The following PAX5 variants were observed in gnomAD, a reference collection of about 807,000 sequenced individuals.
The protein encoded by PAX5 is paired box 5.
Under a neutral mutation model 43.7 loss-of-function variants are expected in PAX5, and 9 were observed. The ratio of observed to expected loss-of-function variants is 0.21; its 90% CI spans 0.12 to 0.36. The LOEUF is 0.36. Among genes scored for constraint, PAX5 ranks in the 10% least tolerant of loss-of-function variants. The probability of loss-of-function intolerance (pLI) is 1.00; values close to 1 mark genes in which losing one functional copy is unlikely to be tolerated. For synonymous variants in PAX5, 228 were observed against 214.3 expected, an observed-to-expected ratio of 1.06 and a Z score of -0.56; for missense variants, 383 against 532.7, an observed-to-expected ratio of 0.72 and a Z score of 2.77.
At chr9:36,876,544 CTGCAACCATGTTAAGATATT>C (rs1011037703) in intron 8 of PAX5, among the ~76,000 whole-genome samples, 4 of 152,206 alleles carry the variant, frequency 2.6e-5, no homozygotes, top group African/African-American at 9.7e-5. Context: ...ATGTCGATAT[CTGCAACCATGTTAAGATATT>C]TGCAACCATG....
At chr9:36,915,677 T>C (rs976154326) in intron 7 of PAX5, among the ~76,000 whole-genome samples, 2 of 152,234 alleles carry the variant, frequency 1.3e-5, no homozygotes, top group Non-Finnish European at 2.9e-5. Context: ...TTCTTCCATA[T>C]ACATACAAAA....
chr9:36,952,834 A>G (rs1833125401), intron 6 of PAX5, among the ~76,000 whole-genome samples: 1 of 152,172 alleles, frequency 6.6e-6, no homozygotes, highest in Non-Finnish European at 1.5e-5. Context: ...CACTCCATAC[A>G]TTGTTATTAT....
Position 36,923,330 on chromosome 9 carries a change from T to TC in PAX5, c.910+24dup, listed in dbSNP as rs747636341. 38 of 1,601,480 alleles carry TC rather than the reference T, an allele frequency of 2.4e-5. No individual in the cohort carries two copies. In the African/African-American group the frequency reaches 4.6e-4, roughly 19 times the overall value. Reference sequence around the variant, plus strand: ...TATCTCTCTCTCTCTCCCTCACTCATCCCCCATGCCCCAGGTGCCCTCACC... The same window carrying TC: ...TATCTCTCTCTCTCTCCCTCACTCATCCCCCCATGCCCCAGGTGCCCTCACC... On this transcript the variant is annotated intron_variant, in intron 7 of 9. Coordinates refer to ENST00000358127, the MANE Select transcript of PAX5 (RefSeq NM_016734.3).
intron 7 of PAX5, among the ~76,000 whole-genome samples, chr9:36,889,211 C>T (rs1827163724): frequency 6.6e-6 from 1 of 152,170 alleles, no homozygotes. Context: ...CCTGGCCAGG[C>T]ACTTCCATGT....
At chr9:36,944,596 C>A (rs767602592) in intron 6 of PAX5, among the ~76,000 whole-genome samples, 3 of 152,266 alleles carry the variant, frequency 2.0e-5, no homozygotes, top group South Asian at 2.1e-4. Context: ...AGATGCAGAC[C>A]GCCCATTACT....
chr9:36,900,526 G>A (rs1828284849), intron 7 of PAX5, among the ~76,000 whole-genome samples: 1 of 152,184 alleles, frequency 6.6e-6, no homozygotes, highest in Non-Finnish European at 1.5e-5. Flanking sequence ...TAACAAGCCA[G>A]AGAGAATTCT....
chr9:36,933,382 G>A (rs1356346134), intron 6 of PAX5, among the ~76,000 whole-genome samples: 1 of 152,116 alleles, frequency 6.6e-6, no homozygotes. Flanking sequence ...CATCTTCAGG[G>A]ATGCCAAAGT....
intron 7 of PAX5, among the ~76,000 whole-genome samples, chr9:36,894,685 C>G (rs1827696313): frequency 6.6e-6 from 1 of 152,222 alleles, no homozygotes; most frequent in Non-Finnish European, 1.5e-5. Flanking sequence ...ACAGGTAAGG[C>G]CCCTAGCACA....
chr9:36,913,276 G>C (rs182280298), intron 7 of PAX5, among the ~76,000 whole-genome samples: 3 of 152,214 alleles, frequency 2.0e-5, no homozygotes, highest in East Asian at 1.9e-4. Context: ...TCCCAAACTT[G>C]CTGGCCCACA....
At chr9:36,985,691 C>T (rs937783092) in intron 5 of PAX5, among the ~76,000 whole-genome samples, 1 of 152,166 alleles carries the variant, frequency 6.6e-6, no homozygotes, top group African/African-American at 2.4e-5. Context: ...GGGATACACA[C>T]AGGGGACAGA....
intron 7 of PAX5, among the ~76,000 whole-genome samples, chr9:36,921,473 C>T (rs998818965): frequency 1.3e-5 from 2 of 152,194 alleles, no homozygotes; most frequent in African/African-American, 4.8e-5. Flanking sequence ...TGGCCAGCAG[C>T]ACGGGCCCTG....
intron 6 of PAX5, among the ~76,000 whole-genome samples, chr9:36,928,157 C>T (rs1433611649): frequency 6.6e-6 from 1 of 152,202 alleles, no homozygotes; most frequent in African/African-American, 2.4e-5. Flanking sequence ...TTCCCTAAGT[C>T]CTCATCACCG....
chr9:36,991,327 C>G lies in PAX5; in HGVS notation c.604+11321G>C, dbSNP rs1214186801. ...AGAATCTAACTCCAGCTCTAGTGCT[C>G]TCTGGTACACCACAGAGTGTCAGAG... On this transcript the variant is annotated intron_variant, in intron 5 of 9. Coordinates refer to ENST00000358127, the MANE Select transcript of PAX5 (RefSeq NM_016734.3). Among the ~76,000 whole-genome samples, 4 of 152,126 alleles carry G rather than the reference C, an allele frequency of 2.6e-5. No individual in the cohort carries two copies. In the East Asian group the frequency reaches 7.7e-4, roughly 29 times the overall value.
At position 36,878,616 on chromosome 9, in the gene PAX5, A is replaced by G. The variant is rs1324747111; in HGVS notation, c.1012+3388T>C. ...CAGTCAGGGTTGGGGAGGCTGGGAG[A>G]GGAGGCCAGAAAGGCAAGTTGAGGC... On this transcript the variant is annotated intron_variant, in intron 8 of 9. Coordinates refer to ENST00000358127, the MANE Select transcript of PAX5 (RefSeq NM_016734.3). Among the ~76,000 whole-genome samples the G allele has an allele frequency of 2.6e-5, 4 of 152,298 alleles. No homozygotes were observed. The South Asian group carries it at 8.3e-4, about 32-fold the overall frequency.
At chr9:36,868,063 C>A (rs914067952) in intron 8 of PAX5, among the ~76,000 whole-genome samples, 1 of 152,004 alleles carries the variant, frequency 6.6e-6, no homozygotes, top group African/African-American at 2.4e-5. Context: ...GCAAGTCCCC[C>A]GAGAGGGGAA....
chr9:36,975,783 C>T (rs1488048633), intron 5 of PAX5, among the ~76,000 whole-genome samples: 1 of 152,188 alleles, frequency 6.6e-6, no homozygotes, highest in African/African-American at 2.4e-5. Context: ...AATGAGAATA[C>T]ATGTAAAATA....
chr9:36,847,089 A>G (rs1822665747), intron 8 of PAX5, among the ~76,000 whole-genome samples, 160 bp from the exon 9 acceptor site: 1 of 152,220 alleles, frequency 6.6e-6, no homozygotes, highest in Admixed American at 6.5e-5. Context: ...CCACATCATT[A>G]TGGAGTGGGC....
intron 5 of PAX5, among the ~76,000 whole-genome samples, chr9:36,996,882 GAGA>G (rs777347660): frequency 2.0e-5 from 3 of 152,178 alleles, no homozygotes; most frequent in African/African-American, 7.2e-5. Context: ...GTGAGAGAAA[GAGA>G]AGAAGGAGAG....
intron 8 of PAX5, among the ~76,000 whole-genome samples, chr9:36,855,076 A>G (rs1228040767): frequency 2.0e-5 from 3 of 152,034 alleles, no homozygotes; most frequent in African/African-American, 7.2e-5. Flanking sequence ...AACTACAAAA[A>G]CCCAAATCCA....
Sources: allele counts gnomAD v4.1 joint callset (sites outside exome capture counted in the v4.1 genomes callset), GRCh38; gene constraint gnomAD v4.1.1; transcripts MANE v1.5; gene names NCBI Gene and HGNC (gene_info 2026-07-23, HGNC 2026-07-21).